NBAS: variants seen among roughly 807,000 people sequenced by gnomAD.
NBAS encodes the protein NAG/BC035112 fusion.
In NBAS, 219 loss-of-function variants were observed where a neutral mutation model predicts 302.5. The observed-to-expected ratio is 0.72, with a 90% confidence interval of 0.65 to 0.81. The LOEUF is 0.81. NBAS is among the 30% of genes least tolerant of loss of function. NBAS has a pLI of 0.00. For synonymous variants in NBAS, 1,118 were observed against 1,021.6 expected, an observed-to-expected ratio of 1.09 and a Z score of -1.80; for missense variants, 2,932 against 2,841.6, an observed-to-expected ratio of 1.03 and a Z score of -0.72.
intron 32 of NBAS, 121 bp from the exon 33 acceptor site, chr2:15,356,537 A>G (rs1176024769): frequency 1.3e-6 from 1 of 777,136 alleles, no homozygotes; most frequent in Admixed American, 2.0e-5. Context: ...AGGGATTTTA[A>G]ATGATGAGAG....
intron 6 of NBAS, 81 bp downstream of exon 6, chr2:15,551,412 A>G (rs1045350829): frequency 2.3e-6 from 2 of 871,594 alleles, no homozygotes; most frequent in East Asian, 2.7e-5. Flanking sequence ...AATATTTAAT[A>G]TCTATTCTAA....
At chr2:15,080,516 C>A in the NBAS span, among the ~76,000 whole-genome samples, 1 of 152,324 alleles carries the variant, frequency 6.6e-6, no homozygotes, top group South Asian at 2.1e-4. Context: ...CAAATCACTC[C>A]AAAACTCAGT....
At chr2:14,843,817 C>T in the NBAS span, among the ~76,000 whole-genome samples, 36 of 152,204 alleles carry the variant, frequency 2.4e-4, 1 homozygote, top group East Asian at 5.0e-3. Context: ...CCTATCACAG[C>T]GGAAAGCAAA....
chr2:14,954,093 G>A, the NBAS span, among the ~76,000 whole-genome samples: 2 of 152,264 alleles, frequency 1.3e-5, no homozygotes, highest in East Asian at 3.9e-4. Context: ...AAAGTGCTTT[G>A]TGCATGCCAG....
intron 50 of NBAS, among the ~76,000 whole-genome samples, chr2:15,180,557 C>T (rs114577648): frequency 6.6e-6 from 1 of 152,310 alleles, no homozygotes; most frequent in South Asian, 2.1e-4. Flanking sequence ...GCCTGGCTGG[C>T]CGCATCCTGT....
the NBAS span, among the ~76,000 whole-genome samples, chr2:15,102,454 T>A: frequency 6.6e-6 from 1 of 152,160 alleles, no homozygotes; most frequent in Non-Finnish European, 1.5e-5. Context: ...AGCAAATACT[T>A]AACAAGTGCC....
At chr2:15,179,188 A>C in intron 50 of NBAS, 72 bp from the exon 51 acceptor site, 2 of 1,609,856 alleles carry the variant, frequency 1.2e-6, no homozygotes, top group Non-Finnish European at 1.7e-6. Context: ...TGGCTGGATC[A>C]TTCCACCCCT....
chr2:15,409,082 T>C (rs1676559318), intron 25 of NBAS, among the ~76,000 whole-genome samples: 1 of 152,196 alleles, frequency 6.6e-6, no homozygotes, highest in South Asian at 2.1e-4. Context: ...AATATCAAGG[T>C]TAATTTTCCT....
chr2:14,961,373 C>T, the NBAS span, among the ~76,000 whole-genome samples: 2 of 152,098 alleles, frequency 1.3e-5, no homozygotes, highest in Admixed American at 6.6e-5. Flanking sequence ...TGGCTTGGTG[C>T]CACACTGGAA....
At chr2:15,074,635 T>C in the NBAS span, among the ~76,000 whole-genome samples, 1 of 151,840 alleles carries the variant, frequency 6.6e-6, no homozygotes, top group Admixed American at 6.6e-5. Flanking sequence ...ATAAATATAG[T>C]TCTATATAAT....
chr2:15,363,290 C>T (rs1266033274), intron 32 of NBAS, among the ~76,000 whole-genome samples: 1 of 152,212 alleles, frequency 6.6e-6, no homozygotes, highest in Non-Finnish European at 1.5e-5. Context: ...CCTACAGTTT[C>T]TGCTCCTCTG....
At chr2:14,996,131 G>A in the NBAS span, among the ~76,000 whole-genome samples, 2 of 152,220 alleles carry the variant, frequency 1.3e-5, no homozygotes, top group South Asian at 2.1e-4. Context: ...ATCTTCAATC[G>A]TGTCTTTTGG....
At chr2:14,836,695 T>A in the NBAS span, among the ~76,000 whole-genome samples, 2 of 151,878 alleles carry the variant, frequency 1.3e-5, no homozygotes, top group Admixed American at 6.6e-5. Context: ...TTATTCCATA[T>A]AAATAGCATA....
At chr2:15,243,601 A>G (rs186207415) in intron 44 of NBAS, among the ~76,000 whole-genome samples, 25 of 152,292 alleles carry the variant, frequency 1.6e-4, no homozygotes, top group Admixed American at 1.5e-3. Context: ...GATTAGAAAA[A>G]TACCGTAATC....
intron 35 of NBAS, among the ~76,000 whole-genome samples, chr2:15,343,158 G>A (rs1308822665): frequency 2.0e-5 from 3 of 152,018 alleles, no homozygotes; most frequent in Non-Finnish European, 4.4e-5. Context: ...CACAAGATGT[G>A]GGCCTAAGGA....
At chr2:15,169,515 G>A (rs1664197182) in intron 51 of NBAS, among the ~76,000 whole-genome samples, 1 of 152,098 alleles carries the variant, frequency 6.6e-6, no homozygotes, top group Admixed American at 6.5e-5. Flanking sequence ...ACCCTGAGAG[G>A]CCCTTGAAGT....
At chr2:14,947,866 A>T in the NBAS span, among the ~76,000 whole-genome samples, 29 of 151,908 alleles carry the variant, frequency 1.9e-4, no homozygotes, top group Non-Finnish European at 2.1e-4. Flanking sequence ...TTTCATGTCT[A>T]TTGAGAAGAT....
chr2:14,911,221 C>T, the NBAS span, among the ~76,000 whole-genome samples: 1 of 152,228 alleles, frequency 6.6e-6, no homozygotes, highest in African/African-American at 2.4e-5. Context: ...CTCAACAACT[C>T]TGAAGGAGCT....
intron 40 of NBAS, among the ~76,000 whole-genome samples, chr2:15,300,056 T>C (rs1398172858): frequency 1.3e-5 from 2 of 152,210 alleles, no homozygotes; most frequent in Non-Finnish European, 2.9e-5. Context: ...GGCAGCTCCA[T>C]GGATCATCTG....
Sources: allele counts gnomAD v4.1 joint callset (sites outside exome capture counted in the v4.1 genomes callset), GRCh38; gene constraint gnomAD v4.1.1; transcripts MANE v1.5; gene names NCBI Gene and HGNC (gene_info 2026-07-23, HGNC 2026-07-21).